RAD51B: variants seen among roughly 807,000 people sequenced by gnomAD.
RAD51B encodes RAD51 paralog B.
Under a neutral mutation model 42.2 loss-of-function variants are expected in RAD51B, and 38 were observed. The observed-to-expected ratio is 0.90, with a 90% CI of 0.70 to 1.18. RAD51B has a LOEUF of 1.18. Among genes scored for constraint, RAD51B ranks in the 50% most tolerant of loss-of-function variants. RAD51B has a pLI of 0.00. For missense variants in RAD51B, 373 were observed against 400.7 expected, an observed-to-expected ratio of 0.93 and a Z score of 0.59; for synonymous variants, 154 against 145.2, an observed-to-expected ratio of 1.06 and a Z score of -0.43.
chr14:68,506,982 A>G (rs1445889350), intron 10 of RAD51B, among the ~76,000 whole-genome samples: 1 of 152,024 alleles, frequency 6.6e-6, no homozygotes, highest in Non-Finnish European at 1.5e-5. Flanking sequence ...TTCCTGTACT[A>G]GTTACCAGCC....
chr14:68,069,593 T>C (rs774797576), intron 7 of RAD51B: 2 of 152,298 alleles, frequency 1.3e-5, no homozygotes, highest in Non-Finnish European at 2.9e-5. Context: ...GCTCCATCCA[T>C]GTTCCTGCAA....
intron 5 of RAD51B, among the ~76,000 whole-genome samples, chr14:67,871,233 A>T (rs1029122675): frequency 4.6e-5 from 7 of 152,124 alleles, no homozygotes; most frequent in Non-Finnish European, 1.0e-4. Flanking sequence ...AAATAGATGC[A>T]ATAAAAAATG....
chr14:68,548,339 T>C (rs1888343246), intron 10 of RAD51B, among the ~76,000 whole-genome samples: 1 of 151,410 alleles, frequency 6.6e-6, no homozygotes, highest in African/African-American at 2.4e-5. Flanking sequence ...GCCTGCTGCA[T>C]GCTTCTACCC....
intron 8 of RAD51B, among the ~76,000 whole-genome samples, chr14:68,307,163 A>G (rs1329583615): frequency 6.6e-6 from 1 of 152,054 alleles, no homozygotes; most frequent in Admixed American, 6.6e-5. Flanking sequence ...TGAAACACAA[A>G]CACCAAGCCC....
At chr14:67,993,432 A>T (rs2075329824) in intron 7 of RAD51B, among the ~76,000 whole-genome samples, 2 of 152,214 alleles carry the variant, frequency 1.3e-5, no homozygotes. Context: ...CAAACAACTG[A>T]TAACATGCGA....
intron 7 of RAD51B, among the ~76,000 whole-genome samples, chr14:68,259,539 T>C (rs1258153125): frequency 4.6e-5 from 7 of 152,156 alleles, no homozygotes; most frequent in African/African-American, 1.2e-4. Flanking sequence ...GGTTATCATG[T>C]GTAATTTAAC....
At chr14:67,992,204 A>G (rs1444275094) in intron 7 of RAD51B, among the ~76,000 whole-genome samples, 1 of 152,222 alleles carries the variant, frequency 6.6e-6, no homozygotes, top group Non-Finnish European at 1.5e-5. Context: ...TTCACATAAC[A>G]AAGCTACAAA....
intron 10 of RAD51B, among the ~76,000 whole-genome samples, chr14:68,578,475 G>A (rs1330348891): frequency 2.0e-5 from 3 of 152,158 alleles, no homozygotes; most frequent in Non-Finnish European, 4.4e-5. Context: ...ATATGACATG[G>A]CAGCTTTCAT....
At chr14:68,481,868 C>G (rs1016994252), downstream of RAD51B, among the ~76,000 whole-genome samples, 4 of 152,150 alleles carry the variant, frequency 2.6e-5, no homozygotes, top group African/African-American at 9.7e-5. Context: ...AAAAGAATCA[C>G]CAGGAACAAT....
chr14:68,607,100 T>C (rs1447864505), intron 10 of RAD51B, among the ~76,000 whole-genome samples: 1 of 152,116 alleles, frequency 6.6e-6, no homozygotes, highest in Non-Finnish European at 1.5e-5. Context: ...TGAGGCACAG[T>C]GATTGCAGCA....
At chr14:67,856,705 A>G (rs1003315117) in intron 4 of RAD51B, among the ~76,000 whole-genome samples, 4 of 152,214 alleles carry the variant, frequency 2.6e-5, no homozygotes, top group Non-Finnish European at 5.9e-5. Context: ...CCTCTCAGCC[A>G]TGAAAAGTTT....
intron 7 of RAD51B, among the ~76,000 whole-genome samples, chr14:67,937,945 C>T (rs1304520505): frequency 6.6e-6 from 1 of 151,808 alleles, no homozygotes; most frequent in African/African-American, 2.4e-5. Flanking sequence ...GCACCGATGG[C>T]CTTCTGAGAA....
intron 8 of RAD51B, among the ~76,000 whole-genome samples, chr14:68,366,625 C>A (rs1321821976): frequency 5.9e-5 from 9 of 152,186 alleles, no homozygotes; most frequent in Admixed American, 5.9e-4. Flanking sequence ...TCCAGATGCA[C>A]AGAAGAAAGT....
In RAD51B at chr14:68,576,043, A is replaced by G. The variant is rs993023636; in HGVS notation, c.1037-18442A>G. Among the ~76,000 whole-genome samples, 7 of 152,148 alleles carry G rather than the reference A, an allele frequency of 4.6e-5. No individual in the cohort carries two copies. In the South Asian group the frequency reaches 1.5e-3, roughly 32 times the overall value. ...AGGAGCAAAGAAAGGAAATAGTGTG[A>G]CTGGGGCCTGGTGAGTCTTGGCAGC... On this transcript the variant is annotated intron_variant, in intron 10 of 10. Transcript: ENST00000487270.
chr14:68,203,097 A>C (rs2079522513), intron 7 of RAD51B, among the ~76,000 whole-genome samples: 1 of 152,180 alleles, frequency 6.6e-6, no homozygotes, highest in Admixed American at 6.5e-5. Flanking sequence ...ATGAATCATG[A>C]ATGTTCTTAA....
chr14:68,681,313 G>T (rs1893425279), intron 11 of RAD51B, among the ~76,000 whole-genome samples: 1 of 152,204 alleles, frequency 6.6e-6, no homozygotes, highest in Admixed American at 6.5e-5. Flanking sequence ...CGGAGAGTCA[G>T]AGAGGGGTGA....
At chr14:68,258,819 A>C (rs2080814936) in intron 7 of RAD51B, among the ~76,000 whole-genome samples, 1 of 152,162 alleles carries the variant, frequency 6.6e-6, no homozygotes, top group African/African-American at 2.4e-5. Context: ...TGTGGTCTTA[A>C]GGAATAAACA....
Position 68,357,131 on chromosome 14 carries a change from C to A in RAD51B, c.854-54293C>A, listed in dbSNP as rs560688744. 9.2e-5 allele frequency among the ~76,000 whole-genome samples: 14 copies of A among 152,240 alleles called. No homozygotes were observed. In the South Asian group the frequency reaches 1.9e-3, roughly 20 times the overall value. On this transcript the variant is annotated intron_variant, in intron 8 of 10. Coordinates refer to ENST00000471583, the MANE Select transcript of RAD51B (RefSeq NM_133510.4). ...AAAATTGGAGTCAATCCTTTCAAAC[C>A]CTGCCACTGCTTTGTCAACTAAGTT...
chr14:68,049,225 G>C (rs370442084), intron 7 of RAD51B, among the ~76,000 whole-genome samples: 1 of 151,976 alleles, frequency 6.6e-6, no homozygotes, highest in Non-Finnish European at 1.5e-5. Context: ...GGGGAGCGGG[G>C]AGGGATAGCA....
Sources: gnomAD v4.1 joint callset for allele counts (sites outside exome capture counted in the v4.1 genomes callset) on GRCh38, gnomAD v4.1.1 for gene constraint, MANE v1.5 for transcripts, NCBI Gene and HGNC (gene_info 2026-07-23, HGNC 2026-07-21) for gene names.